RBFOX1: variants seen among roughly 807,000 people sequenced by gnomAD.
RBFOX1 encodes RNA binding fox-1 homolog 1.
In RBFOX1, 8 loss-of-function variants were observed where a neutral mutation model predicts 57.7. The ratio of observed to expected loss-of-function variants is 0.14; its 90% confidence interval spans 0.08 to 0.25. The LOEUF (loss-of-function observed/expected upper bound fraction) is 0.25. Among genes scored for constraint, RBFOX1 ranks in the 10% least tolerant of loss-of-function variants. The pLI, the probability that RBFOX1 is intolerant of heterozygous loss-of-function variation, is 1.00. For missense variants in RBFOX1, 611 were observed against 548.5 expected, an observed-to-expected ratio of 1.11 and a Z score of -1.14; for synonymous variants, 326 against 222.4, an observed-to-expected ratio of 1.47 and a Z score of -4.15.
Position 6,190,650 on chromosome 16 carries a change from G to A in RBFOX1, c.-126-126345G>A, listed in dbSNP as rs372744977. Among the ~76,000 whole-genome samples, 28 of 152,174 alleles carry A rather than the reference G, an allele frequency of 1.8e-4. No homozygotes were observed. The South Asian group carries it at 5.0e-3, about 27-fold the overall frequency. On this transcript the variant is annotated intron_variant, in intron 1 of 15. Coordinates refer to ENST00000550418, the MANE Select transcript of RBFOX1 (RefSeq NM_018723.4). ...ATTTGCCTAACATTTTGCTTTTGGG[G>A]AACACACAGCCACCAATTTCCCCTC...
intron 2 of RBFOX1, among the ~76,000 whole-genome samples, chr16:6,475,448 T>C (rs2153086258): frequency 6.6e-6 from 1 of 152,342 alleles, no homozygotes; most frequent in East Asian, 1.9e-4. Context: ...TTTAAATTTG[T>C]AAGGTGAACC....
chr16:5,469,951 C>T (rs1597195724), intron 2 of RBFOX1, among the ~76,000 whole-genome samples: 1 of 152,110 alleles, frequency 6.6e-6, no homozygotes, highest in African/African-American at 2.4e-5. Flanking sequence ...GAGTGTGCCA[C>T]CATAAACATT....
At chr16:5,782,804 C>G (rs2054366901) in intron 3 of RBFOX1, among the ~76,000 whole-genome samples, 1 of 152,280 alleles carries the variant, frequency 6.6e-6, no homozygotes, top group East Asian at 1.9e-4. Flanking sequence ...AAGACCCAAA[C>G]CAGGGAAGCT....
At chr16:5,730,207 G>C (rs1002210645) in intron 3 of RBFOX1, among the ~76,000 whole-genome samples, 3 of 152,156 alleles carry the variant, frequency 2.0e-5, no homozygotes, top group African/African-American at 7.2e-5. Context: ...CCACAATTAG[G>C]GGAGCCTTGA....
intron 5 of RBFOX1, among the ~76,000 whole-genome samples, chr16:7,525,452 A>G (rs1399682625): frequency 2.0e-5 from 3 of 152,146 alleles, no homozygotes; most frequent in African/African-American, 7.2e-5. Context: ...TCTGGGTGTG[A>G]ATGGCTAAAA....
chr16:6,763,905 C>T (rs560596315), intron 3 of RBFOX1, among the ~76,000 whole-genome samples: 4 of 152,142 alleles, frequency 2.6e-5, no homozygotes, highest in Non-Finnish European at 5.9e-5. Flanking sequence ...GGAACCTGTG[C>T]TTAGCGTTTG....
chr16:7,579,702 T>A (rs1410438265), intron 5 of RBFOX1, 75 bp from the exon 6 acceptor site: 1 of 1,570,118 alleles, frequency 6.4e-7, no homozygotes, highest in Non-Finnish European at 8.7e-7. Flanking sequence ...CTGCCACTCA[T>A]GGCAAGCAAA....
intron 3 of RBFOX1, among the ~76,000 whole-genome samples, chr16:6,741,011 T>A (rs1603484955): frequency 1.3e-5 from 2 of 152,274 alleles, no homozygotes; most frequent in South Asian, 2.1e-4. Flanking sequence ...GGTATTTGCT[T>A]AGATGTAGAC....
In RBFOX1 at chr16:7,413,294, CT is replaced by C; in HGVS notation, c.28-104852del. The stretch of plus-strand genomic sequence containing the variant: ...CTCGCCTGTAAACCATTCCTCTCCC[CT>C]GGCCACCCTCCTGCATCTGACCCCC... On this transcript the variant is annotated intron_variant, in intron 4 of 15. Transcript: ENST00000550418. Among the ~76,000 whole-genome samples the C allele has an allele frequency of 2.0e-5, 3 of 152,196 alleles. 1 individual carries two copies. In the Middle Eastern group the frequency reaches 0.01, roughly 518 times the overall value.
At chr16:7,231,010 C>T (rs747267968) in intron 4 of RBFOX1, among the ~76,000 whole-genome samples, 1 of 152,104 alleles carries the variant, frequency 6.6e-6, no homozygotes, top group Non-Finnish European at 1.5e-5. Flanking sequence ...AGCCATGGTA[C>T]CTGAACAAGC....
intron 1 of RBFOX1, among the ~76,000 whole-genome samples, chr16:6,127,600 T>C (rs953757396): frequency 1.3e-5 from 2 of 152,170 alleles, no homozygotes; most frequent in Non-Finnish European, 2.9e-5. Context: ...ATGTGGGACC[T>C]TTTCAAATAA....
At chr16:5,526,762 G>A (rs889776735) in intron 2 of RBFOX1, among the ~76,000 whole-genome samples, 1 of 152,154 alleles carries the variant, frequency 6.6e-6, no homozygotes, top group Non-Finnish European at 1.5e-5. Flanking sequence ...TGTAAAGTAC[G>A]TGACCTACTG....
intron 1 of RBFOX1, among the ~76,000 whole-genome samples, chr16:5,283,051 C>T (rs1380250723): frequency 6.6e-6 from 1 of 152,192 alleles, no homozygotes; most frequent in Non-Finnish European, 1.5e-5. Flanking sequence ...GCCACTCCAG[C>T]TGCAGCTAAA....
intron 3 of RBFOX1, among the ~76,000 whole-genome samples, chr16:5,707,340 T>G (rs2051289099): frequency 6.6e-6 from 1 of 152,226 alleles, no homozygotes; most frequent in Admixed American, 6.5e-5. Context: ...TTTGATTTTG[T>G]AAGTCAGTTC....
chr16:5,596,747 G>A lies in RBFOX1; in HGVS notation c.259-2155G>A, dbSNP rs576849733. ...AAGTGACAAAAGCCAGACATTCTCA[G>A]ACCAGTGGACATTCTCTCAAAGGAG... is the stretch of plus-strand genomic sequence containing the variant. On this transcript the variant is annotated intron_variant, in intron 2 of 2. Coordinates refer to the RBFOX1 transcript ENST00000585867. 2.6e-5 allele frequency among the ~76,000 whole-genome samples: 4 copies of A among 152,342 alleles called. No homozygotes were observed. The South Asian group carries it at 8.3e-4, about 32-fold the overall frequency.
rs575493276 is a variant in RBFOX1, at chr16:6,788,545, G to A, written c.-16+133895G>A. On this transcript the variant is annotated intron_variant, in intron 3 of 15. Transcript: ENST00000550418. ...CGCTGGAGTGCAGTGGCGTGATCTC[G>A]GCTCACTGCAAGCTCTGCCTTCTGG... Among the ~76,000 whole-genome samples the A allele has an allele frequency of 4.6e-5, 7 of 151,484 alleles. No individual in the cohort carries two copies. In the East Asian group the frequency reaches 9.7e-4, roughly 21 times the overall value.
chr16:6,956,707 T>C (rs1380104157), intron 3 of RBFOX1, among the ~76,000 whole-genome samples: 1 of 152,228 alleles, frequency 6.6e-6, no homozygotes, highest in Non-Finnish European at 1.5e-5. Flanking sequence ...CTCTGCTTAA[T>C]GCCTTTAGAA....
intron 1 of RBFOX1, among the ~76,000 whole-genome samples, chr16:5,285,881 C>G (rs1177916454): frequency 2.0e-5 from 3 of 152,160 alleles, no homozygotes; most frequent in Non-Finnish European, 4.4e-5. Context: ...AAGCGATTCT[C>G]CTGCCTCAGC....
At chr16:5,919,167 C>G (rs1201336790) in intron 4 of RBFOX1, among the ~76,000 whole-genome samples, 1 of 152,070 alleles carries the variant, frequency 6.6e-6, no homozygotes, top group African/African-American at 2.4e-5. Flanking sequence ...AAAAAATGTA[C>G]AAATTGCTGA....
Sources: allele counts gnomAD v4.1 joint callset (sites outside exome capture counted in the v4.1 genomes callset), GRCh38; gene constraint gnomAD v4.1.1; transcripts MANE v1.5; gene names NCBI Gene and HGNC (gene_info 2026-07-23, HGNC 2026-07-21).